The following UGT1A5 variants were observed in gnomAD, a reference collection of about 807,000 sequenced individuals.
UGT1A5 encodes the protein UDP glucuronosyltransferase family 1 member A5, also known as UDP-glucuronosyltransferase 1A5.
Under a neutral mutation model 40.3 loss-of-function variants are expected in UGT1A5, and 29 were observed. The observed-to-expected ratio is 0.72, with a 90% CI of 0.54 to 0.98. The LOEUF is 0.98. Ranked by LOEUF, UGT1A5 falls within the 50% of genes least tolerant of loss-of-function variation. The pLI is 0.00. For synonymous variants in UGT1A5, 257 were observed against 262.5 expected, an observed-to-expected ratio of 0.98 and a Z score of 0.20; for missense variants, 678 against 677.9, an observed-to-expected ratio of 1.00 and a Z score of 0.00.
Position 233,747,232 on chromosome 2 carries a change from G to T in UGT1A5, c.868-19802G>T. 2.5e-6 allele frequency: 4 copies of T among 1,605,196 alleles called. 1 individual carries two copies. The highest frequency in any genetic ancestry group is 2.2e-5 in the South Asian group (2 of 90,296). On this transcript the variant is annotated intron_variant, in intron 1 of 4. Coordinates refer to ENST00000373414, the MANE Select transcript of UGT1A5 (RefSeq NM_019078.2). ...TGCTGAGATGGCCACAGGACCCCAGGTTCCCCTGCTGTGGCTGGCCACAGG... is the reference window on the plus strand; with the variant it reads ...TGCTGAGATGGCCACAGGACCCCAGTTTCCCCTGCTGTGGCTGGCCACAGG...
At chr2:233,714,782 C>T (rs1312718757) in intron 1 of UGT1A5, among the ~76,000 whole-genome samples, 1 of 152,114 alleles carries the variant, frequency 6.6e-6, no homozygotes, top group Non-Finnish European at 1.5e-5. Flanking sequence ...TTGGAATAGC[C>T]ACATTTCAAG....
rs748749611 is a variant in UGT1A5, at chr2:233,713,227, C to T, written c.236C>T (p.Thr79Met). 53 of 1,614,134 alleles carry T rather than the reference C, an allele frequency of 3.3e-5. 2 individuals are homozygous for T. Among genetic ancestry groups the T allele is most frequent in the Admixed American group, 2.3e-4 (14 of 60,014 alleles). ...IKEENFFTLTTYAISWTQDEF... is the reference protein window; with the variant it reads ...IKEENFFTLTMYAISWTQDEF... ...GAAGAGAACTTTTTCACCCTGACAA[C>T]GTATGCCATTTCATGGACCCAGGAC... The change falls in exon 1 of 5, where the codon ACG (threonine) becomes ATG (methionine). Residue 79 changes from threonine (T) to methionine (M), a missense_variant. Physicochemically the swap from Thr to Met is moderately conservative, Grantham distance 81. Coordinates refer to ENST00000373414, the MANE Select transcript of UGT1A5 (RefSeq NM_019078.2).
rs776415192 is a variant in UGT1A5, at chr2:233,712,958, G to T, written c.-34G>T. 4.3e-6 allele frequency: 7 copies of T among 1,612,878 alleles called. No homozygotes were observed. In the Admixed American group the frequency reaches 1.2e-4, roughly 27 times the overall value. ...AACAATTCTAGGAGGCACAACGTGG[G>T]GTGGACAGTCAGCTGTCGGTGGCTT... On this transcript the variant is annotated 5_prime_UTR_variant, in exon 1 of 5. Coordinates refer to ENST00000373414, the MANE Select transcript of UGT1A5 (RefSeq NM_019078.2).
At chr2:233,743,626 G>A (rs1399385903) in intron 1 of UGT1A5, 6 of 1,367,322 alleles carry the variant, frequency 4.4e-6, no homozygotes, top group Non-Finnish European at 5.9e-6. Flanking sequence ...TGAAGACGTC[G>A]GCTGGGTCGC....
chr2:233,757,535 AATATAT>A (rs67292694), intron 1 of UGT1A5, among the ~76,000 whole-genome samples: 4 of 88,308 alleles, frequency 4.5e-5, no homozygotes, highest in East Asian at 2.8e-4. Flanking sequence ...GCCTGTAAGG[AATATAT>A]ATATATATAT....
chr2:233,729,477 GA>G, intron 1 of UGT1A5: 2 of 1,614,194 alleles, frequency 1.2e-6, no homozygotes, highest in Middle Eastern at 1.6e-4. Context: ...TGGCAATGTT[GA>G]ACAATATGTC....
At chr2:233,758,716 G>T (rs905449123) in intron 1 of UGT1A5, among the ~76,000 whole-genome samples, 10 of 152,140 alleles carry the variant, frequency 6.6e-5, no homozygotes, top group African/African-American at 2.4e-4. Context: ...GTTTCTCTAT[G>T]ATCCTCTAAG....
At chr2:233,724,375 C>T (rs1318597710) in intron 1 of UGT1A5, among the ~76,000 whole-genome samples, 19 of 143,100 alleles carry the variant, frequency 1.3e-4, no homozygotes, top group South Asian at 7.3e-4. Context: ...GGGTGGCTGC[C>T]GGGCGGAGAC....
rs72551343 is a variant in UGT1A5, at chr2:233,760,912, C to T, written c.868-6122C>T. 1.4e-5 allele frequency: 23 copies of T among 1,614,070 alleles called. 1 individual carries two copies. In the South Asian group the frequency reaches 1.5e-4, roughly 11 times the overall value. On this transcript the variant is annotated intron_variant, in intron 1 of 4. Transcript: ENST00000373414. ...TTCAGATCACATGACCTTCCTGCAGCGGGTGAAGAACATGCTCATTGCCTT... is the reference window on the plus strand; with the variant it reads ...TTCAGATCACATGACCTTCCTGCAGTGGGTGAAGAACATGCTCATTGCCTT...
At chr2:233,739,631 G>A (rs767111221) in intron 1 of UGT1A5, among the ~76,000 whole-genome samples, 3 of 152,206 alleles carry the variant, frequency 2.0e-5, no homozygotes, top group Admixed American at 6.5e-5. Context: ...ATTTGAAATG[G>A]GAACATTTAC....
chr2:233,765,887 T>G (rs1279202147), intron 1 of UGT1A5, among the ~76,000 whole-genome samples: 1 of 152,030 alleles, frequency 6.6e-6, no homozygotes, highest in African/African-American at 2.4e-5. Flanking sequence ...ACTTTCTCAG[T>G]GCGCCACTGC....
intron 1 of UGT1A5, chr2:233,743,352 C>T (rs987483436): frequency 9.4e-6 from 9 of 961,748 alleles, no homozygotes; most frequent in African/African-American, 1.7e-5. Context: ...TCGACATGGA[C>T]TTGAAGCTGC....
At chr2:233,719,330 GT>G (rs780658532) in intron 1 of UGT1A5, 4 of 1,613,748 alleles carry the variant, frequency 2.5e-6, no homozygotes, top group Non-Finnish European at 3.4e-6. Flanking sequence ...TTCCTGCTGT[GT>G]TTTTTTGGAG....
At chr2:233,737,057 G>A (rs1365217094) in intron 1 of UGT1A5, among the ~76,000 whole-genome samples, 2 of 152,190 alleles carry the variant, frequency 1.3e-5, no homozygotes, top group African/African-American at 2.4e-5. Context: ...CTAGGAGAAC[G>A]AGTGCTCTCT....
chr2:233,729,562 T>C lies in UGT1A5; in HGVS notation c.867+15704T>C, dbSNP rs201451179. ...GATCAGGCACCTGAATGCTACTTCC[T>C]TTGATGTGGTTTTAACAGACCCCGT... On this transcript the variant is annotated intron_variant, in intron 1 of 4. Transcript: ENST00000373414. 8.7e-6 allele frequency: 14 copies of C among 1,614,160 alleles called. No homozygotes were observed. The East Asian group carries it at 3.1e-4, about 36-fold the overall frequency.
intron 1 of UGT1A5, chr2:233,729,571 G>T (rs965988508): frequency 1.2e-6 from 2 of 1,614,100 alleles, no homozygotes; most frequent in Non-Finnish European, 1.7e-6. Flanking sequence ...CTTTGATGTG[G>T]TTTTAACAGA....
intron 1 of UGT1A5, among the ~76,000 whole-genome samples, chr2:233,732,578 C>T (rs902333577): frequency 6.6e-6 from 1 of 152,146 alleles, no homozygotes; most frequent in Non-Finnish European, 1.5e-5. Context: ...TTCCCCATTG[C>T]TTGTTTTTGT....
At chr2:233,752,606 A>T (rs1695016071) in intron 1 of UGT1A5, 1 of 152,194 alleles carries the variant, frequency 6.6e-6, no homozygotes, top group African/African-American at 2.4e-5. Context: ...TTTTTAAAAA[A>T]ACATTAGCTA....
At position 233,768,249 on chromosome 2, in the gene UGT1A5, C is replaced by T. The variant is rs1699594140; in HGVS notation, c.1117C>T (p.His373Tyr). ...CCCGATGACCCGTGCCTTTATCACC[C>T]ATGCTGGTTCCCATGGTGTTTATGA... Reference protein sequence around the residue: ...GHPMTRAFITHAGSHGVYESI... With the variant: ...GHPMTRAFITYAGSHGVYESI... Residue 373 changes from histidine to tyrosine, a missense_variant, in exon 4 of 5, where the codon CAT (histidine) becomes TAT (tyrosine). His to Tyr is a moderately conservative substitution (Grantham distance 83). Transcript: ENST00000373414. The T allele has an allele frequency of 6.2e-7, 1 of 1,614,198 alleles. No homozygotes were observed. The highest frequency in any genetic ancestry group is 8.5e-7 in the Non-Finnish European group (1 of 1,180,036).
Sources: gnomAD v4.1 joint callset for allele counts (sites outside exome capture counted in the v4.1 genomes callset) on GRCh38, gnomAD v4.1.1 for gene constraint, MANE v1.5 for transcripts, NCBI Gene and HGNC (gene_info 2026-07-23, HGNC 2026-07-21) for gene names.